The following PITPNM2 variants were observed in gnomAD, a reference collection of about 807,000 sequenced individuals.
PITPNM2 encodes phosphatidylinositol transfer protein membrane associated 2.
In PITPNM2, 35 loss-of-function variants were observed where a neutral mutation model predicts 132.2. The observed-to-expected ratio is 0.26, with a 90% confidence interval of 0.20 to 0.35. The LOEUF (loss-of-function observed/expected upper bound fraction) is 0.35. Ranked by LOEUF, PITPNM2 falls within the 10% of genes least tolerant of loss-of-function variation. PITPNM2 has a pLI of 1.00. For synonymous variants in PITPNM2, 738 were observed against 799.2 expected (o/e 0.92, Z 1.29); for missense variants, 1,332 against 1,912.0 (o/e 0.70, Z 5.66).
chr12:122,998,656 A>G (rs1391450019), intron 10 of PITPNM2, among the ~76,000 whole-genome samples: 1 of 152,150 alleles, frequency 6.6e-6, no homozygotes. Context: ...TCCTGCCTCC[A>G]AGAACCCGAG....
chr12:123,048,569 C>T (rs1042227925), intron 2 of PITPNM2, among the ~76,000 whole-genome samples: 3 of 152,072 alleles, frequency 2.0e-5, no homozygotes, highest in Non-Finnish European at 4.4e-5. Context: ...CCCGCCACCG[C>T]GCCCGGCTAA....
At chr12:123,107,476 C>T (rs1286598310) in intron 2 of PITPNM2, among the ~76,000 whole-genome samples, 2 of 152,244 alleles carry the variant, frequency 1.3e-5, no homozygotes, top group African/African-American at 4.8e-5. Flanking sequence ...CCACCCCCAC[C>T]TTCTGGAAGG....
upstream of PITPNM2, among the ~76,000 whole-genome samples, chr12:123,151,184 C>T (rs1384122672): frequency 6.9e-6 from 1 of 144,556 alleles, no homozygotes; most frequent in Non-Finnish European, 1.5e-5. Context: ...GGCGGGGGCG[C>T]GTCCCTGCGG....
Position 122,996,925 on chromosome 12 carries a change from C to A in PITPNM2, c.1473-15G>T. 1 of 1,557,066 alleles carries A rather than the reference C, an allele frequency of 6.4e-7. No individual in the cohort carries two copies. The highest frequency in any genetic ancestry group is 1.2e-5 in the South Asian group (1 of 81,908). ...AGGGGCTGAGGCTGGGGAGAGGGGC[C>A]AGTCAAGAGAGGGCAGGCGGCTCCA... On this transcript the variant is annotated splice_polypyrimidine_tract_variant and intron_variant, in intron 11 of 25. Transcript: ENST00000320201.
chr12:123,039,763 G>A (rs528387123), intron 2 of PITPNM2, among the ~76,000 whole-genome samples: 2 of 152,286 alleles, frequency 1.3e-5, no homozygotes, highest in South Asian at 4.1e-4. Flanking sequence ...ACATTGATGT[G>A]TGATGCTGAG....
intron 2 of PITPNM2, among the ~76,000 whole-genome samples, chr12:123,103,168 G>A (rs1305072296): frequency 6.6e-6 from 1 of 152,188 alleles, no homozygotes; most frequent in Non-Finnish European, 1.5e-5. Flanking sequence ...TCTGGTGGCA[G>A]GAGAAGTTGT....
At chr12:123,151,459 T>C (rs2043751371), upstream of PITPNM2, among the ~76,000 whole-genome samples, 1 of 152,030 alleles carries the variant, frequency 6.6e-6, no homozygotes, top group African/African-American at 2.4e-5. Context: ...TTTTAAAAAA[T>C]GAAGTTTCTT....
chr12:123,102,602 G>C (rs1475906764), intron 2 of PITPNM2, among the ~76,000 whole-genome samples: 2 of 152,228 alleles, frequency 1.3e-5, no homozygotes, highest in Admixed American at 1.3e-4. Context: ...ATACTGAGGA[G>C]TGTAAAGACG....
At chr12:123,101,983 C>T (rs2042574853) in intron 2 of PITPNM2, among the ~76,000 whole-genome samples, 1 of 152,170 alleles carries the variant, frequency 6.6e-6, no homozygotes, top group Non-Finnish European at 1.5e-5. Flanking sequence ...CACCGTACTC[C>T]AGCCTGGGTG....
intron 3 of PITPNM2, among the ~76,000 whole-genome samples, chr12:123,032,086 C>T (rs1482355698): frequency 2.6e-5 from 4 of 152,204 alleles, no homozygotes; most frequent in African/African-American, 9.7e-5. Context: ...ATGGACGGGG[C>T]CTGGCTGCAC....
rs554732347 is a variant in PITPNM2 at position 122,986,522 on chromosome 12, C to T, written c.3640G>A (p.Val1214Met). The T allele has an allele frequency of 8.1e-6, 13 of 1,598,144 alleles. No individual in the cohort carries two copies. The highest frequency in any genetic ancestry group is 2.2e-5 in the South Asian group (2 of 89,400). ...VHAAYGSTKD[V>M]AVYSAISLSP... ...AGGCTAATGGCGCTGTACACCGCCA[C>T]GTCCTTGGTGGAGCCATAGGCCGCG... The change falls in exon 25 of 26, where the codon GTG becomes ATG. Residue 1214 changes from valine to methionine, a missense_variant. By Grantham distance (21) the Val-to-Met change is conservative. This residue lies in a region of PITPNM2 where 251 missense variants were observed against 472.0 expected (regional missense o/e 0.53). Transcript: ENST00000320201.
At chr12:123,123,886 A>C (rs1407791561) in intron 1 of PITPNM2, among the ~76,000 whole-genome samples, 1 of 149,356 alleles carries the variant, frequency 6.7e-6, no homozygotes, top group African/African-American at 2.5e-5. Context: ...TAGTGAGTGG[A>C]GATCGCACCA....
chr12:123,088,653 A>C (rs1010965735), intron 2 of PITPNM2: 11 of 152,250 alleles, frequency 7.2e-5, no homozygotes, highest in African/African-American at 2.4e-4. Context: ...TGCTCCCCGC[A>C]AAATATCCCC....
In PITPNM2 at chr12:123,150,140, C is replaced by G. The variant is rs954559075; in HGVS notation, c.-200+613G>C. On this transcript the variant is annotated intron_variant, in intron 1 of 25. Coordinates refer to ENST00000320201, the MANE Select transcript of PITPNM2 (RefSeq NM_020845.3). The surrounding 1 kb of genome is among the most constrained non-coding windows in gnomAD (Gnocchi z 6.0). The stretch of plus-strand genomic sequence containing the variant: ...ACTGGGGCGGGGGACACTGAACTTT[C>G]CCTCTCCCCAAGGCCCCCCGATCAG... 4 of 152,820 alleles carry G rather than the reference C, an allele frequency of 2.6e-5. No individual in the cohort carries two copies. The highest frequency in any genetic ancestry group is 9.7e-5 in the African/African-American group (4 of 41,424). The allele number at this position is 152,820 out of a possible 1,614,324, so 9.5% of individuals were successfully genotyped here.
At chr12:123,089,193 G>A (rs2042194828) in intron 2 of PITPNM2, 2 of 152,158 alleles carry the variant, frequency 1.3e-5, no homozygotes, top group South Asian at 4.1e-4. Context: ...TGCAAACCAA[G>A]GCATCCAGGC....
At chr12:123,079,026 G>A (rs1566282036) in intron 2 of PITPNM2, among the ~76,000 whole-genome samples, 2 of 152,176 alleles carry the variant, frequency 1.3e-5, no homozygotes, top group African/African-American at 2.4e-5. Flanking sequence ...ATGATACCAC[G>A]TTCTACCAAC....
At chr12:122,989,652 A>C (rs2038098867) in intron 18 of PITPNM2, 135 bp downstream of exon 18, 2 of 848,424 alleles carry the variant, frequency 2.4e-6, no homozygotes, top group Non-Finnish European at 3.2e-6. Context: ...TCCTCCCTAG[A>C]TGGCCAAGTC....
chr12:122,988,336 G>C lies in PITPNM2; in HGVS notation c.2895C>G (p.Asp965Glu), dbSNP rs139418911. The C allele has an allele frequency of 6.2e-7, 1 of 1,613,246 alleles. No homozygotes were observed. The highest frequency in any genetic ancestry group is 1.3e-5 in the African/African-American group (1 of 74,918). Reference sequence around the variant, plus strand: ...CATCCAGCTCCAAGATGCTGGAGTTGTCATGCCTCATGACCTGGGAAGAGG... The same window carrying C: ...CATCCAGCTCCAAGATGCTGGAGTTCTCATGCCTCATGACCTGGGAAGAGG... Reference protein sequence around the residue: ...SFLLRQVMRHDNSSILELDGK... With the variant: ...SFLLRQVMRHENSSILELDGK... The change falls in exon 20 of 26, where the codon GAC (aspartate) becomes GAG (glutamate). Residue 965 changes from aspartate (D) to glutamate (E), a missense_variant. Around this residue, in one of 6 missense-constraint regions of PITPNM2, gnomAD observed 251 missense variants for 472.0 expected, o/e 0.53. Transcript: ENST00000320201.
chr12:123,019,484 C>T (rs778892575), intron 3 of PITPNM2, among the ~76,000 whole-genome samples: 4 of 152,178 alleles, frequency 2.6e-5, no homozygotes, highest in Admixed American at 1.3e-4. Context: ...AACACCAGGC[C>T]GATGAGGGCC....
Sources: gnomAD v4.1 joint callset for allele counts (sites outside exome capture counted in the v4.1 genomes callset) on GRCh38, gnomAD v4.1.1 for gene constraint, gnomAD v4.1.1 regional missense constraint, Gnocchi (gnomAD v3.1) non-coding constraint, MANE v1.5 for transcripts, NCBI Gene and HGNC (gene_info 2026-07-23, HGNC 2026-07-21) for gene names.